CNTN3: variants seen among roughly 807,000 people sequenced by gnomAD.
The protein encoded by CNTN3 is contactin 3.
Under a neutral mutation model 119.1 loss-of-function variants are expected in CNTN3, and 60 were observed. The observed-to-expected ratio is 0.50, with a 90% CI of 0.41 to 0.62. The LOEUF (loss-of-function observed/expected upper bound fraction) is 0.62, where lower values mean the gene tolerates loss of function less well. Among genes scored for constraint, CNTN3 ranks in the 20% least tolerant of loss-of-function variants. CNTN3 has a pLI of 0.00. For missense variants in CNTN3, 1,101 were observed against 1,242.4 expected, an observed-to-expected ratio of 0.89 and a Z score of 1.71; for synonymous variants, 450 against 438.7, an observed-to-expected ratio of 1.03 and a Z score of -0.32.
Position 74,486,644 on chromosome 3 carries a change from T to C in CNTN3, c.183-13A>G. The C allele has an allele frequency of 6.6e-7, 1 of 1,513,724 alleles. No homozygotes were observed. Among genetic ancestry groups the C allele is most frequent in the Non-Finnish European group, 8.8e-7 (1 of 1,137,392 alleles). The allele number at this position is 1,513,724 out of a possible 1,614,324, so 93.8% of individuals were successfully genotyped here. On this transcript the variant is annotated splice_polypyrimidine_tract_variant and intron_variant, in intron 3 of 22. Coordinates refer to ENST00000263665, the MANE Select transcript of CNTN3 (RefSeq NM_020872.3). ...ATTCAGCTGCCATCTGTAAAACAAA[T>C]ATCAAGGTTCCCCCCCCTTAGTATT...
rs1207512358 is a variant in CNTN3 at position 74,424,889 on chromosome 3, C to T, written c.410G>A (p.Gly137Asp). The change falls in exon 5 of 23, where the codon GGC (glycine) becomes GAC (aspartate). Residue 137 changes from glycine (G) to aspartate (D), a missense_variant. Gly to Asp is a moderately conservative substitution (Grantham distance 94). Coordinates refer to ENST00000263665, the MANE Select transcript of CNTN3 (RefSeq NM_020872.3). The part of the protein sequence containing the change: ...KMRSTVSVRE[G>D]QGVVLLCGPP... ...GCCGCAGAGCAGCACAACTCCCTGG[C>T]CTTCACGCACAGACACTGTACTCCT... 4.3e-6 allele frequency: 7 copies of T among 1,613,520 alleles called. No individual in the cohort carries two copies. In the Admixed American group the frequency reaches 5.0e-5, roughly 12 times the overall value.
chr3:74,341,883 T>A (rs1479182715), intron 11 of CNTN3, among the ~76,000 whole-genome samples: 2 of 152,160 alleles, frequency 1.3e-5, no homozygotes, highest in African/African-American at 4.8e-5. Context: ...CCTATATTCT[T>A]CTGATCATTA....
At chr3:74,532,441 A>C (rs540840240) in intron 1 of CNTN3, among the ~76,000 whole-genome samples, 2 of 152,136 alleles carry the variant, frequency 1.3e-5, no homozygotes, top group South Asian at 4.1e-4. Flanking sequence ...CCTATGATAA[A>C]GTTTAATTTA....
At chr3:74,508,115 A>T (rs1404794650) in intron 2 of CNTN3, among the ~76,000 whole-genome samples, 1 of 152,102 alleles carries the variant, frequency 6.6e-6, no homozygotes, top group Non-Finnish European at 1.5e-5. Flanking sequence ...CATAATCCCC[A>T]TGTGTTGAGG....
chr3:74,604,934 T>C (rs139281424), intron 1 of CNTN3, among the ~76,000 whole-genome samples: 1 of 152,246 alleles, frequency 6.6e-6, no homozygotes, highest in East Asian at 1.9e-4. Context: ...AAATGTGGTA[T>C]ATACACACAA....
At chr3:74,459,011 A>G (rs561630264) in intron 4 of CNTN3, among the ~76,000 whole-genome samples, 3 of 151,960 alleles carry the variant, frequency 2.0e-5, no homozygotes, top group Non-Finnish European at 2.9e-5. Context: ...ATTTTTATTC[A>G]ATGAAAGACT....
chr3:74,350,671 A>G (rs1703790772), intron 11 of CNTN3, among the ~76,000 whole-genome samples: 1 of 152,192 alleles, frequency 6.6e-6, no homozygotes, highest in Admixed American at 6.5e-5. Context: ...GGATCAACCT[A>G]GTTGCCCATG....
intron 11 of CNTN3, among the ~76,000 whole-genome samples, chr3:74,358,403 C>G (rs1198328853): frequency 6.6e-6 from 1 of 150,676 alleles, no homozygotes; most frequent in Non-Finnish European, 1.5e-5. Context: ...CTTAAAAACA[C>G]AATCTCAATT....
At chr3:74,454,819 A>C (rs953978922) in intron 4 of CNTN3, among the ~76,000 whole-genome samples, 2 of 151,754 alleles carry the variant, frequency 1.3e-5, no homozygotes, top group African/African-American at 4.8e-5. Context: ...TTCTTTTAAG[A>C]ATGTTGAATA....
chr3:74,588,776 G>C (rs956555798), intron 1 of CNTN3, among the ~76,000 whole-genome samples: 7 of 152,116 alleles, frequency 4.6e-5, no homozygotes, highest in African/African-American at 1.7e-4. Context: ...CAATGGAACA[G>C]AACAGAGCCC....
At chr3:74,503,131 T>C (rs896556503) in intron 2 of CNTN3, among the ~76,000 whole-genome samples, 10 of 152,164 alleles carry the variant, frequency 6.6e-5, no homozygotes, top group African/African-American at 2.4e-4. Flanking sequence ...TTAAATGACC[T>C]GACCATAGTA....
intron 20 of CNTN3, among the ~76,000 whole-genome samples, chr3:74,278,033 A>AT (rs1270511247): frequency 1.6e-5 from 2 of 128,588 alleles, no homozygotes; most frequent in Non-Finnish European, 3.2e-5. Context: ...CAAAAAAAAA[A>AT]AACCACTTAT....
chr3:74,270,941 T>C (rs1012028062), intron 20 of CNTN3, among the ~76,000 whole-genome samples: 3 of 152,304 alleles, frequency 2.0e-5, no homozygotes, highest in East Asian at 1.9e-4. Context: ...ACAACACTAA[T>C]TGACAGGATA....
intron 4 of CNTN3, among the ~76,000 whole-genome samples, chr3:74,460,753 T>C (rs932196516): frequency 3.5e-5 from 5 of 141,746 alleles, no homozygotes; most frequent in African/African-American, 5.2e-5. Context: ...AAAGTAGAGA[T>C]AGTTTTATTT....
chr3:74,285,473 C>A lies in CNTN3; in HGVS notation c.2536G>T (p.Gly846Cys). Residue 846 changes from glycine (G) to cysteine (C), a missense_variant, in exon 20 of 23, where the codon GGT becomes TGT. Coordinates refer to ENST00000263665, the MANE Select transcript of CNTN3 (RefSeq NM_020872.3). Reference sequence around the variant, plus strand: ...TTACTGGATGATTCCTCCTTTCCACCCCCATTCCAGTACCGCACCTGGTGG... The same window carrying A: ...TTACTGGATGATTCCTCCTTTCCACACCCATTCCAGTACCGCACCTGGTGG... ...LGYEVRYWNG[G>C]GKEESSSKMK... 1 of 1,611,678 alleles carries A rather than the reference C, an allele frequency of 6.2e-7. No homozygotes were observed.
intron 3 of CNTN3, among the ~76,000 whole-genome samples, chr3:74,494,886 A>G (rs1703032289): frequency 6.6e-6 from 1 of 152,086 alleles, no homozygotes. Flanking sequence ...TCATATAGGT[A>G]ATGCAATGCA....
At chr3:74,548,679 T>G (rs1703947875) in intron 1 of CNTN3, among the ~76,000 whole-genome samples, 1 of 152,180 alleles carries the variant, frequency 6.6e-6, no homozygotes, top group Non-Finnish European at 1.5e-5. Context: ...ATTATTTTTT[T>G]CATCAACATT....
At chr3:74,474,491 G>A (rs1170674085) in intron 4 of CNTN3, among the ~76,000 whole-genome samples, 1 of 152,050 alleles carries the variant, frequency 6.6e-6, no homozygotes, top group African/African-American at 2.4e-5. Context: ...AGTAGTGATA[G>A]TCCCTTTTAT....
At chr3:74,301,128 T>C (rs1413206305) in intron 16 of CNTN3, among the ~76,000 whole-genome samples, 1 of 152,224 alleles carries the variant, frequency 6.6e-6, no homozygotes, top group East Asian at 1.9e-4. Flanking sequence ...ACAGTAATTA[T>C]AACCTTAAGT....
Sources: gnomAD v4.1 joint callset for allele counts (sites outside exome capture counted in the v4.1 genomes callset) on GRCh38, gnomAD v4.1.1 for gene constraint, MANE v1.5 for transcripts, NCBI Gene and HGNC (gene_info 2026-07-23, HGNC 2026-07-21) for gene names.